Variants in LRMDA observed in about 807,000 individuals in gnomAD.
The protein encoded by LRMDA is leucine rich melanocyte differentiation associated, also known as leucine-rich melanocyte differentiation-associated protein.
In LRMDA, 18 loss-of-function variants were observed where a neutral mutation model predicts 29.8. That is an observed-to-expected ratio of 0.60 (90% CI 0.42 to 0.90). The LOEUF is 0.90. Among genes scored for constraint, LRMDA ranks in the 40% least tolerant of loss-of-function variants. LRMDA has a pLI of 0.00. For missense variants in LRMDA, 273 were observed against 273.9 expected, an observed-to-expected ratio of 1.00 and a Z score of 0.02; for synonymous variants, 125 against 109.4, an observed-to-expected ratio of 1.14 and a Z score of -0.89.
rs146702039 is a variant in LRMDA at position 76,429,129 on chromosome 10, A to T, written c.601+104644A>T. ...CCCTTAACTAGTTATTTCATCATGC[A>T]TGAAAAACCCCAAAGTAAAAATGTT... On this transcript the variant is annotated intron_variant, in intron 6 of 6. Transcript: ENST00000611255. 9.5e-4 allele frequency among the ~76,000 whole-genome samples: 144 copies of T among 152,150 alleles called. 1 individual carries two copies. The highest frequency in any genetic ancestry group is 3.9e-3 in the South Asian group (19 of 4,828).
intron 2 of LRMDA, among the ~76,000 whole-genome samples, chr10:75,943,472 A>G (rs914524792): frequency 6.6e-6 from 1 of 152,218 alleles, no homozygotes; most frequent in African/African-American, 2.4e-5. Flanking sequence ...ATCAAAACTC[A>G]TGCTCTTAAC....
intron 2 of LRMDA, among the ~76,000 whole-genome samples, chr10:75,902,027 G>C (rs1845682644): frequency 6.6e-6 from 1 of 152,146 alleles, no homozygotes; most frequent in Non-Finnish European, 1.5e-5. Context: ...GGGGGGTTCA[G>C]TATGAGAGTC....
At chr10:76,280,156 G>T (rs1213695897) in intron 5 of LRMDA, among the ~76,000 whole-genome samples, 1 of 152,200 alleles carries the variant, frequency 6.6e-6, no homozygotes, top group Non-Finnish European at 1.5e-5. Context: ...CAGAGAAGAG[G>T]TATTTATACT....
chr10:75,851,889 T>C, intron 2 of LRMDA, among the ~76,000 whole-genome samples: 1 of 152,244 alleles, frequency 6.6e-6, no homozygotes, highest in East Asian at 1.9e-4. Context: ...TAATTGTTTC[T>C]TAAGTAATTC....
At chr10:75,908,901 G>A (rs868576660) in intron 2 of LRMDA, among the ~76,000 whole-genome samples, 4 of 152,256 alleles carry the variant, frequency 2.6e-5, no homozygotes, top group Middle Eastern at 6.8e-3. Flanking sequence ...ATCAAGTACT[G>A]AATATCTGAT....
chr10:76,024,825 G>A (rs1681465071), intron 2 of LRMDA, among the ~76,000 whole-genome samples: 1 of 152,192 alleles, frequency 6.6e-6, no homozygotes, highest in South Asian at 2.1e-4. Context: ...AAAGGCTTGT[G>A]TAGAAGAGAC....
At chr10:76,020,663 AAG>A (rs1796126023) in intron 2 of LRMDA, among the ~76,000 whole-genome samples, 1 of 152,192 alleles carries the variant, frequency 6.6e-6, no homozygotes, top group Non-Finnish European at 1.5e-5. Flanking sequence ...GGCCTGTGAG[AAG>A]AGTCTCCTCC....
chr10:76,329,762 A>G (rs1181453375), intron 6 of LRMDA, among the ~76,000 whole-genome samples: 1 of 152,190 alleles, frequency 6.6e-6, no homozygotes, highest in Non-Finnish European at 1.5e-5. Flanking sequence ...ATGCTTAGCA[A>G]TTGATTTTTC....
intron 2 of LRMDA, among the ~76,000 whole-genome samples, chr10:75,557,177 G>A (rs9416067): frequency 0.084 from 12,838 of 151,952 alleles, 802 homozygotes; most frequent in East Asian, 0.3. Context: ...AGCTGGGTGT[G>A]GTGGCGGGTG....
At chr10:75,793,162 G>A (rs1564569282) in intron 2 of LRMDA, among the ~76,000 whole-genome samples, 1 of 152,196 alleles carries the variant, frequency 6.6e-6, no homozygotes, top group East Asian at 1.9e-4. Flanking sequence ...TCTTCTTAGA[G>A]CCTGACACAA....
intron 4 of LRMDA, among the ~76,000 whole-genome samples, chr10:76,049,766 G>A (rs1288706606): frequency 9.2e-5 from 14 of 151,758 alleles, no homozygotes; most frequent in Admixed American, 3.3e-4. Flanking sequence ...TTTTCTTTTG[G>A]TAAAACATTT....
chr10:75,946,867 C>T (rs920707982), intron 2 of LRMDA, among the ~76,000 whole-genome samples: 5 of 152,208 alleles, frequency 3.3e-5, no homozygotes, highest in African/African-American at 1.2e-4. Context: ...CACAAACCCC[C>T]AGTGCAACAA....
At chr10:76,334,107 C>A (rs1002398888) in intron 6 of LRMDA, among the ~76,000 whole-genome samples, 1 of 152,210 alleles carries the variant, frequency 6.6e-6, no homozygotes, top group Admixed American at 6.5e-5. Context: ...TGTTCTCATT[C>A]TAGCCTTTGG....
intron 6 of LRMDA, among the ~76,000 whole-genome samples, chr10:76,360,377 A>C (rs1296462007): frequency 6.6e-6 from 1 of 152,280 alleles, no homozygotes; most frequent in East Asian, 1.9e-4. Context: ...GCCAGTGTTC[A>C]AGGTGGCTTC....
At chr10:75,669,619 C>T (rs1261285503) in intron 2 of LRMDA, among the ~76,000 whole-genome samples, 1 of 152,186 alleles carries the variant, frequency 6.6e-6, no homozygotes, top group Non-Finnish European at 1.5e-5. Flanking sequence ...ATTTTTGTCA[C>T]TTGTAAGCTT....
intron 5 of LRMDA, among the ~76,000 whole-genome samples, chr10:76,144,710 C>G (rs573020547): frequency 5.3e-5 from 8 of 152,104 alleles, no homozygotes; most frequent in African/African-American, 1.9e-4. Context: ...ATTGCCCTGG[C>G]CAGAACTTCC....
chr10:76,432,958 C>T (rs1842207296), intron 6 of LRMDA, among the ~76,000 whole-genome samples: 1 of 152,182 alleles, frequency 6.6e-6, no homozygotes, highest in Admixed American at 6.5e-5. Flanking sequence ...CTGTGATTAT[C>T]AGCACAGAGG....
intron 2 of LRMDA, among the ~76,000 whole-genome samples, chr10:75,936,796 C>T (rs932432397): frequency 2.6e-5 from 4 of 152,170 alleles, no homozygotes; most frequent in African/African-American, 9.7e-5. Context: ...CTTATGACCT[C>T]ACCACCTCCC....
At chr10:75,910,016 T>C (rs1227429143) in intron 2 of LRMDA, among the ~76,000 whole-genome samples, 2 of 152,232 alleles carry the variant, frequency 1.3e-5, no homozygotes, top group African/African-American at 2.4e-5. Context: ...TATGGTTTTC[T>C]GAAACTTAGG....
Sources: allele counts gnomAD v4.1 joint callset (sites outside exome capture counted in the v4.1 genomes callset), GRCh38; gene constraint gnomAD v4.1.1; transcripts MANE v1.5; gene names NCBI Gene and HGNC (gene_info 2026-07-23, HGNC 2026-07-21).